The following NAV2 variants were observed in gnomAD, a reference collection of about 807,000 sequenced individuals.
NAV2 encodes neuron navigator 2, also known as helicase, APC down-regulated 1.
A neutral mutation model predicts 223.2 loss-of-function variants in NAV2; 54 were observed. That is an observed-to-expected ratio of 0.24 (90% CI 0.19 to 0.30). NAV2 has a LOEUF of 0.30. Ranked by LOEUF, NAV2 falls within the 10% of genes least tolerant of loss-of-function variation. The pLI is 1.00. For synonymous variants in NAV2, 1,279 were observed against 1,239.3 expected (o/e 1.03, Z -0.67); for missense variants, 2,806 against 3,147.5 (o/e 0.89, Z 2.60).
intron 26 of NAV2, among the ~76,000 whole-genome samples, chr11:20,088,912 G>A (rs1284127625): frequency 6.6e-6 from 1 of 151,484 alleles, no homozygotes; most frequent in Non-Finnish European, 1.5e-5. Context: ...GTGAAATTTT[G>A]TTCAGACTTT....
chr11:19,502,276 C>T (rs533261832), intron 1 of NAV2, among the ~76,000 whole-genome samples: 1 of 152,272 alleles, frequency 6.6e-6, no homozygotes, highest in Admixed American at 6.5e-5. Context: ...CATTCTGTGC[C>T]TCAGTTTCCC....
chr11:20,114,544 G>A, intron 36 of NAV2, 48 bp from the exon 37 acceptor site: 1 of 1,581,548 alleles, frequency 6.3e-7, no homozygotes, highest in Non-Finnish European at 8.7e-7. Context: ...GGGGCTACGA[G>A]AGAGATCTGG....
At chr11:19,777,886 C>T (rs760847299) in intron 1 of NAV2, 1 of 455,946 alleles carries the variant, frequency 2.2e-6, no homozygotes, top group East Asian at 7.0e-5. Flanking sequence ...TGGTCCGCGT[C>T]CCCCGAGCCC....
Position 19,842,855 on chromosome 11 carries a change from G to C in NAV2, c.386-16G>C. The C allele has an allele frequency of 1.2e-6, 2 of 1,613,572 alleles. No homozygotes were observed. Among genetic ancestry groups the C allele is most frequent in the Non-Finnish European group, 1.7e-6 (2 of 1,179,586 alleles). On this transcript the variant is annotated splice_polypyrimidine_tract_variant and intron_variant, in intron 2 of 37. Transcript: ENST00000349880. ...CTCTGGTGATTTATTTTTCTGACTT[G>C]TGTTTCCTTTTTCAGCAAATGAAAA...
chr11:19,360,418 A>G lies in NAV2; in HGVS notation c.75+9391A>G, dbSNP rs192602009. 6.6e-5 allele frequency among the ~76,000 whole-genome samples: 10 copies of G among 152,302 alleles called. No homozygotes were observed. The East Asian group carries it at 1.9e-3, about 29-fold the overall frequency. On this transcript the variant is annotated intron_variant, in intron 1 of 37. Coordinates refer to the NAV2 transcript ENST00000360655. Reference sequence around the variant, plus strand: ...CTATAAATCCTCAGCTGTCTTTGCTATATTTGGAGTTGTGCCCAATCTCTC... The same window carrying G: ...CTATAAATCCTCAGCTGTCTTTGCTGTATTTGGAGTTGTGCCCAATCTCTC...
intron 10 of NAV2, among the ~76,000 whole-genome samples, chr11:19,972,565 G>C (rs1215312717): frequency 1.3e-5 from 2 of 152,138 alleles, no homozygotes; most frequent in African/African-American, 4.8e-5. Flanking sequence ...CATACACCGA[G>C]TTCACTTTAC....
chr11:19,408,871 A>G (rs1251800301), intron 1 of NAV2, among the ~76,000 whole-genome samples: 5 of 152,004 alleles, frequency 3.3e-5, no homozygotes, highest in Non-Finnish European at 7.4e-5. Flanking sequence ...CCTGCCCCCG[A>G]GAACTCGGGA....
intron 4 of NAV2, among the ~76,000 whole-genome samples, chr11:19,874,990 C>T (rs1167445843): frequency 2.0e-5 from 3 of 152,188 alleles, no homozygotes; most frequent in African/African-American, 4.8e-5. Context: ...AATCCCATCT[C>T]TACTGAAAAC....
chr11:19,799,361 A>G (rs1450132071), intron 1 of NAV2, among the ~76,000 whole-genome samples: 3 of 152,166 alleles, frequency 2.0e-5, no homozygotes, highest in South Asian at 2.1e-4. Context: ...AGTTAGTTCT[A>G]CAATTGCTGA....
At chr11:19,480,667 G>A (rs1441237943) in intron 1 of NAV2, among the ~76,000 whole-genome samples, 1 of 152,236 alleles carries the variant, frequency 6.6e-6, no homozygotes, top group Non-Finnish European at 1.5e-5. Flanking sequence ...CTGACATTAT[G>A]AGAATTGAAT....
intron 36 of NAV2, among the ~76,000 whole-genome samples, chr11:20,113,279 G>A (rs939587603): frequency 1.6e-4 from 25 of 152,108 alleles, no homozygotes; most frequent in Admixed American, 1.0e-3. Flanking sequence ...CATTTCTCAC[G>A]GTACCTGGCA....
chr11:19,565,924 C>T (rs994102660), intron 1 of NAV2, among the ~76,000 whole-genome samples: 1 of 152,200 alleles, frequency 6.6e-6, no homozygotes, highest in African/African-American at 2.4e-5. Flanking sequence ...CGTGTTTCTC[C>T]TCTGGAGCTC....
At chr11:19,756,506 G>A (rs1788829043) in intron 1 of NAV2, among the ~76,000 whole-genome samples, 1 of 152,198 alleles carries the variant, frequency 6.6e-6, no homozygotes, top group East Asian at 1.9e-4. Context: ...AGAATAACCA[G>A]AGTCAACCTG....
intron 6 of NAV2, among the ~76,000 whole-genome samples, chr11:19,930,086 T>C (rs2045184526): frequency 6.6e-6 from 1 of 152,198 alleles, no homozygotes; most frequent in South Asian, 2.1e-4. Context: ...TATTCAACTC[T>C]GTGTTCCCAG....
chr11:20,101,307 C>T, intron 32 of NAV2, 135 bp downstream of exon 32: 1 of 670,994 alleles, frequency 1.5e-6, no homozygotes, highest in Admixed American at 2.9e-5. Context: ...TGAAAGAGGT[C>T]CAGAGGGGGC....
intron 25 of NAV2, chr11:20,082,548 T>G (rs2153666095): frequency 6.2e-7 from 1 of 1,613,120 alleles, no homozygotes; most frequent in East Asian, 2.2e-5. Flanking sequence ...AAATTGTCTT[T>G]TTTCCTCCCC....
intron 6 of NAV2, among the ~76,000 whole-genome samples, chr11:19,902,640 G>A (rs755390310): frequency 3.2e-4 from 48 of 152,114 alleles, no homozygotes; most frequent in Non-Finnish European, 2.8e-4. Context: ...CATCTGTTAC[G>A]TGGAAACTAT....
intron 1 of NAV2, among the ~76,000 whole-genome samples, chr11:19,454,106 C>G (rs754063427): frequency 6.6e-6 from 1 of 152,170 alleles, no homozygotes; most frequent in South Asian, 2.1e-4. Flanking sequence ...GAACACTCCC[C>G]GTCCCTGGAG....
intron 1 of NAV2, among the ~76,000 whole-genome samples, chr11:19,779,159 C>A (rs756699824): frequency 2.0e-5 from 3 of 152,134 alleles, no homozygotes; most frequent in Non-Finnish European, 4.4e-5. Flanking sequence ...TTAGAGCTGT[C>A]TCACTTTTCA....
Sources: allele counts gnomAD v4.1 joint callset (sites outside exome capture counted in the v4.1 genomes callset), GRCh38; gene constraint gnomAD v4.1.1; transcripts MANE v1.5; gene names NCBI Gene and HGNC (gene_info 2026-07-23, HGNC 2026-07-21).